APLP2: variants seen among roughly 807,000 people sequenced by gnomAD.
APLP2 encodes CDEI box-binding protein.
A neutral mutation model predicts 89.9 loss-of-function variants in APLP2; 53 were observed. That is an observed-to-expected ratio of 0.59 (90% CI 0.47 to 0.74). The LOEUF (loss-of-function observed/expected upper bound fraction) is 0.74. Among genes scored for constraint, APLP2 ranks in the 30% least tolerant of loss-of-function variants. The probability of loss-of-function intolerance (pLI) is 0.00; values close to 1 mark genes in which losing one functional copy is unlikely to be tolerated. For synonymous variants in APLP2, 372 were observed against 348.6 expected (o/e 1.07, Z -0.75); for missense variants, 973 against 975.9 (o/e 1.00, Z 0.04).
intron 1 of APLP2, among the ~76,000 whole-genome samples, chr11:130,107,097 G>A (rs2135757126): frequency 6.6e-6 from 1 of 152,304 alleles, no homozygotes; most frequent in South Asian, 2.1e-4. Context: ...AGAGCCCCAA[G>A]AAAGCAGGTC....
At chr11:130,092,713 G>A (rs1945576799) in intron 1 of APLP2, among the ~76,000 whole-genome samples, 1 of 142,270 alleles carries the variant, frequency 7.0e-6, no homozygotes, top group South Asian at 2.2e-4. Flanking sequence ...GGGAGGGAGG[G>A]GGAGGGGGAG....
intron 16 of APLP2, 34 bp downstream of exon 16, chr11:130,142,108 A>G: frequency 6.3e-7 from 1 of 1,582,030 alleles, no homozygotes; most frequent in South Asian, 1.1e-5. Flanking sequence ...CCTGCTCTGC[A>G]CTGTGGGCTG....
intron 1 of APLP2, among the ~76,000 whole-genome samples, chr11:130,079,158 G>A (rs569148644): frequency 2.0e-5 from 3 of 151,988 alleles, no homozygotes; most frequent in African/African-American, 7.2e-5. Flanking sequence ...GAGTGCAGTG[G>A]TGCAGTCTCT....
Position 130,123,324 on chromosome 11 carries a change from G to A in APLP2, c.923-288G>A, listed in dbSNP as rs7110202. Among the ~76,000 whole-genome samples the A allele has an allele frequency of 0.15, 22,610 of 152,154 alleles. 3,662 individuals are homozygous for A. Among genetic ancestry groups the A allele is most frequent in the African/African-American group, 0.41 (16,887 of 41,450 alleles). On this transcript the variant is annotated intron_variant, in intron 6 of 16. Transcript: ENST00000338167. The surrounding 1 kb of genome is among the most constrained non-coding windows in gnomAD (Gnocchi z 4.0). ...AACAGATCAGAAATGTGAGGCTCTC[G>A]CAGCTGTGAGACAAAGGAATTGCTC... is the stretch of plus-strand genomic sequence containing the variant.
At chr11:130,137,371 T>A in intron 13 of APLP2, 4 of 1,330,124 alleles carry the variant, frequency 3.0e-6, no homozygotes, top group Non-Finnish European at 4.3e-6. Flanking sequence ...ATGTTCTGTT[T>A]CATGCCATCA....
intron 1 of APLP2, chr11:130,082,862 C>G (rs1221723500): frequency 6.4e-6 from 1 of 155,474 alleles, no homozygotes; most frequent in South Asian, 1.8e-4. Context: ...TCTAGGTTAT[C>G]TGTTTTCTTA....
chr11:130,129,343 G>T, intron 10 of APLP2, 137 bp downstream of exon 10: 1 of 963,028 alleles, frequency 1.0e-6, no homozygotes, highest in East Asian at 2.5e-5. Flanking sequence ...GATGAGGGAG[G>T]AAAAGGTATT....
intron 3 of APLP2, among the ~76,000 whole-genome samples, chr11:130,117,158 A>T (rs1037970628): frequency 1.3e-5 from 2 of 152,178 alleles, no homozygotes; most frequent in South Asian, 2.1e-4. Context: ...TTTAGAATTT[A>T]GTTTGTTTTC....
At chr11:130,109,244 T>A (rs1033879776) in intron 1 of APLP2, 185 bp from the exon 2 acceptor site, 6 of 444,204 alleles carry the variant, frequency 1.4e-5, no homozygotes, top group Non-Finnish European at 2.3e-5. Context: ...TTCACTTTGA[T>A]CATACACATC....
chr11:130,080,626 C>G (rs1565550270), intron 1 of APLP2, among the ~76,000 whole-genome samples: 1 of 151,880 alleles, frequency 6.6e-6, no homozygotes. Flanking sequence ...CAGGATCTTA[C>G]TGTAAGTTCC....
chr11:130,098,475 A>G (rs1946503861), intron 1 of APLP2, among the ~76,000 whole-genome samples: 1 of 152,204 alleles, frequency 6.6e-6, no homozygotes, highest in South Asian at 2.1e-4. Context: ...CGTTAAAGGA[A>G]AAGAGATCTA....
chr11:130,087,815 G>T (rs1944350922), intron 1 of APLP2, among the ~76,000 whole-genome samples: 1 of 151,826 alleles, frequency 6.6e-6, no homozygotes, highest in Non-Finnish European at 1.5e-5. Context: ...GGCTTGATTA[G>T]CTTCCTCAGG....
chr11:130,101,040 G>GT (rs1946847261), intron 1 of APLP2, among the ~76,000 whole-genome samples: 1 of 148,854 alleles, frequency 6.7e-6, no homozygotes, highest in South Asian at 2.1e-4. Flanking sequence ...TGTTTGGACA[G>GT]TAAAAAAAAA....
intron 3 of APLP2, among the ~76,000 whole-genome samples, chr11:130,118,696 A>G (rs912934447): frequency 8.5e-5 from 13 of 152,198 alleles, no homozygotes; most frequent in Admixed American, 6.5e-5. Context: ...ATTCTAGCTT[A>G]CTGTTGGTAT....
intron 1 of APLP2, among the ~76,000 whole-genome samples, chr11:130,096,268 G>T (rs1026932186): frequency 1.3e-5 from 2 of 152,316 alleles, no homozygotes; most frequent in Admixed American, 1.3e-4. Context: ...CTGGAGTGTG[G>T]CAGGGGCTGC....
rs749689111 is a variant in APLP2, at chr11:130,121,640, A to G, written c.543A>G (p.Leu181=). ...KEACLTQGMT[L]YSYGMLLPCG... ...CATGTCTGACTCAGGGAATGACCTT[A>G]TATAGCTACGGCATGCTGCTCCCAT... The change falls in exon 5 of 17, where the codon TTA becomes TTG. Residue 181 remains leucine, a synonymous_variant. Coordinates refer to ENST00000338167, the MANE Select transcript of APLP2 (RefSeq NM_001142276.2). 4 of 1,614,090 alleles carry G rather than the reference A, an allele frequency of 2.5e-6. No homozygotes were observed. Among genetic ancestry groups the G allele is most frequent in the Admixed American group, 3.3e-5 (2 of 60,020 alleles).
rs1198961939 is a variant in APLP2 at position 130,140,292 on chromosome 11, C to T, written c.1838-106C>T. 27 of 723,664 alleles carry T rather than the reference C, an allele frequency of 3.7e-5. No homozygotes were observed. In the East Asian group the frequency reaches 4.1e-4, roughly 11 times the overall value. The allele number at this position is 723,664 out of a possible 1,614,324, so 44.8% of individuals were successfully genotyped here. A position where few individuals can be genotyped will look rare whatever the true frequency, so the allele number is the denominator to read the frequency against. ...GGCAGATGAGTCGCGTGGGGAGGTG[C>T]GTGTTGAGGGGCTCACTGGCCCTCA... is the stretch of plus-strand genomic sequence containing the variant. On this transcript the variant is annotated intron_variant, in intron 13 of 16. Transcript: ENST00000338167.
chr11:130,126,017 A>C (rs1232770115), intron 7 of APLP2, among the ~76,000 whole-genome samples: 3 of 152,206 alleles, frequency 2.0e-5, no homozygotes, highest in Admixed American at 6.5e-5. Context: ...CATGGATCAA[A>C]AAGCCCTATC....
rs375681409 is a variant in APLP2, at chr11:130,107,749, G to A, written c.106-1680G>A. On this transcript the variant is annotated intron_variant, in intron 1 of 16. Transcript: ENST00000338167. The stretch of plus-strand genomic sequence containing the variant: ...CATATGGAACCAAAAAAGAGCCCGC[G>A]TTGCCAAGTCAATCCTAAGCCAAAA... Among the ~76,000 whole-genome samples the A allele has an allele frequency of 1.8e-3, 278 of 152,208 alleles. 1 individual carries two copies. Among genetic ancestry groups the A allele is most frequent in the East Asian group, 0.016 (83 of 5,184 alleles).
Sources: allele counts gnomAD v4.1 joint callset (sites outside exome capture counted in the v4.1 genomes callset), GRCh38; gene constraint gnomAD v4.1.1; non-coding constraint Gnocchi (gnomAD v3.1); transcripts MANE v1.5; gene names NCBI Gene and HGNC (gene_info 2026-07-23, HGNC 2026-07-21).